Variants in KIF6 observed in about 807,000 individuals in gnomAD.
The protein encoded by KIF6 is kinesin-like protein KIF6.
Under a neutral mutation model 112.7 loss-of-function variants are expected in KIF6, and 106 were observed. The observed-to-expected ratio is 0.94, with a 90% CI of 0.80 to 1.11. The LOEUF (loss-of-function observed/expected upper bound fraction) is 1.11, where lower values mean the gene tolerates loss of function less well. Among genes scored for constraint, KIF6 ranks in the 50% least tolerant of loss-of-function variants. The pLI is 0.00. For synonymous variants in KIF6, 339 were observed against 339.9 expected (o/e 1.00, Z 0.03); for missense variants, 929 against 964.0 (o/e 0.96, Z 0.48).
chr6:39,457,063 A>G (rs1471848401), intron 13 of KIF6, among the ~76,000 whole-genome samples: 4 of 141,884 alleles, frequency 2.8e-5, no homozygotes, highest in African/African-American at 1.1e-4. Context: ...TCAACAGAAT[A>G]TACATTTTTT....
chr6:39,616,780 C>T (rs549117687), intron 5 of KIF6, among the ~76,000 whole-genome samples: 53 of 152,300 alleles, frequency 3.5e-4, no homozygotes, highest in South Asian at 2.1e-4. Context: ...CTGGGCACTA[C>T]GTCTATTGCC....
chr6:39,544,370 T>C (rs1458400573), intron 12 of KIF6, 185 bp downstream of exon 12: 3 of 460,718 alleles, frequency 6.5e-6, no homozygotes, highest in Non-Finnish European at 7.3e-6. Context: ...ATTTTTTTCT[T>C]TTATAGAAAC....
chr6:39,469,545 A>T (rs1243804529), intron 13 of KIF6, among the ~76,000 whole-genome samples: 1 of 152,158 alleles, frequency 6.6e-6, no homozygotes, highest in East Asian at 1.9e-4. Flanking sequence ...ACAAAAAAAA[A>T]TGTTACTAGA....
rs1442739650 is a variant in KIF6, at chr6:39,331,348, T to TAATC, written c.*5180_*5183dup. The TAATC allele has an allele frequency of 1.3e-5, 2 of 151,872 alleles. No homozygotes were observed. The highest frequency in any genetic ancestry group is 4.8e-5 in the African/African-American group (2 of 41,378). 9.4% of individuals were successfully genotyped at this position (151,872 alleles called of 1,614,324 possible). ...TGCCCAGCTAACCCCAACTCCTTCT[T>TAATC]AATCAGATTGTCTTGCTTACTTGTT... On this transcript the variant is annotated 3_prime_UTR_variant, in exon 23 of 23. Coordinates refer to ENST00000287152, the MANE Select transcript of KIF6 (RefSeq NM_145027.6).
intron 13 of KIF6, among the ~76,000 whole-genome samples, chr6:39,434,385 G>C (rs1371833759): frequency 1.3e-5 from 2 of 149,958 alleles, no homozygotes; most frequent in Non-Finnish European, 3.0e-5. Flanking sequence ...GCAACATGGT[G>C]AAACCCATTT....
chr6:39,720,774 C>G lies in KIF6; in HGVS notation c.104G>C (p.Ser35Thr), dbSNP rs1345359717. ...SIDEDEKLIP[S>T]LEIILPRDLA... ...ATCACGTGGTAAGATGATTTCCAAG[C>G]TAGGTATTAATTTTTCATCTTCATC... The change falls in exon 2 of 23, where the codon AGC (serine) becomes ACC (threonine). Residue 35 changes from serine to threonine, a missense_variant. By Grantham distance (58) the Ser-to-Thr change is moderately conservative. Around this residue, in one of 2 missense-constraint regions of KIF6, gnomAD observed 688 missense variants for 662.7 expected, o/e 1.04. Coordinates refer to ENST00000287152, the MANE Select transcript of KIF6 (RefSeq NM_145027.6). 1.2e-6 allele frequency: 2 copies of G among 1,605,698 alleles called. No individual in the cohort carries two copies. Among genetic ancestry groups the G allele is most frequent in the Non-Finnish European group, 1.7e-6 (2 of 1,172,606 alleles).
intron 7 of KIF6, among the ~76,000 whole-genome samples, chr6:39,595,129 A>C: frequency 6.6e-6 from 1 of 152,318 alleles, no homozygotes; most frequent in South Asian, 2.1e-4. Context: ...CAGAACCATC[A>C]TGGGGTCAAA....
chr6:39,503,943 G>A (rs1776286785), intron 13 of KIF6, among the ~76,000 whole-genome samples: 1 of 151,770 alleles, frequency 6.6e-6, no homozygotes, highest in South Asian at 2.1e-4. Flanking sequence ...AAGAGCAGGT[G>A]CCATTCCCAC....
intron 12 of KIF6, among the ~76,000 whole-genome samples, chr6:39,540,723 G>T (rs1223772097): frequency 6.6e-6 from 1 of 152,244 alleles, no homozygotes; most frequent in Non-Finnish European, 1.5e-5. Flanking sequence ...GGTGACAAAG[G>T]TTCAGCCAGA....
chr6:39,415,301 T>TAAAAAAAAAAA (rs5875672), intron 15 of KIF6, among the ~76,000 whole-genome samples: 3 of 89,458 alleles, frequency 3.4e-5, no homozygotes, highest in African/African-American at 8.6e-5. Flanking sequence ...TTTTAAAATG[T>TAAAAAAAAAAA]AAAAAAAAAA....
chr6:39,541,426 T>C (rs1414068688), intron 12 of KIF6, among the ~76,000 whole-genome samples: 1 of 152,192 alleles, frequency 6.6e-6, no homozygotes, highest in Non-Finnish European at 1.5e-5. Context: ...AACACGCTGC[T>C]CCTCTTTGTA....
intron 3 of KIF6, among the ~76,000 whole-genome samples, chr6:39,682,945 G>C (rs1481382400): frequency 6.6e-6 from 1 of 152,350 alleles, no homozygotes; most frequent in East Asian, 1.9e-4. Flanking sequence ...GTAAAACTGA[G>C]ATCTAAGCGA....
At chr6:39,358,387 C>G (rs533869873) in intron 18 of KIF6, among the ~76,000 whole-genome samples, 1 of 152,378 alleles carries the variant, frequency 6.6e-6, no homozygotes, top group South Asian at 2.1e-4. Context: ...ATTGGCCCCT[C>G]TGTACCAGTG....
At chr6:39,536,439 C>G (rs1778430567) in intron 13 of KIF6, among the ~76,000 whole-genome samples, 1 of 151,696 alleles carries the variant, frequency 6.6e-6, no homozygotes. Flanking sequence ...ACAAACAACT[C>G]TATGCAAATA....
chr6:39,350,140 T>G (rs1761841052), intron 19 of KIF6, among the ~76,000 whole-genome samples: 1 of 152,186 alleles, frequency 6.6e-6, no homozygotes, highest in South Asian at 2.1e-4. Context: ...AGCTTTACCC[T>G]TTAAAAATCC....
At chr6:39,446,482 GTTTTCTTTTCTTTCCT>G (rs1772324008) in intron 13 of KIF6, among the ~76,000 whole-genome samples, 1 of 151,692 alleles carries the variant, frequency 6.6e-6, no homozygotes, top group African/African-American at 2.4e-5. Flanking sequence ...CAGTGAAATT[GTTTTCTTTTCTTTCCT>G]TTTTCTTTTT....
At chr6:39,566,300 A>T (rs2038198) in intron 10 of KIF6, among the ~76,000 whole-genome samples, 7,578 of 152,254 alleles carry the variant, frequency 0.05, 342 homozygotes, top group East Asian at 0.26. Context: ...GCAAATTTTT[A>T]AAAAAATCAT....
chr6:39,346,100 TC>T (rs1562113049), intron 20 of KIF6, among the ~76,000 whole-genome samples: 30 of 8,164 alleles, frequency 3.7e-3, no homozygotes, highest in African/African-American at 0.013. Flanking sequence ...CCCCTCTCCC[TC>T]CCCCCCTCCC....
chr6:39,460,679 A>G (rs941097427), intron 13 of KIF6, among the ~76,000 whole-genome samples: 2 of 152,144 alleles, frequency 1.3e-5, no homozygotes, highest in Non-Finnish European at 1.5e-5. Flanking sequence ...TACTTTTACC[A>G]TATTGAGAGA....
Sources: allele counts gnomAD v4.1 joint callset (sites outside exome capture counted in the v4.1 genomes callset), GRCh38; gene constraint gnomAD v4.1.1; regional missense constraint gnomAD v4.1.1; transcripts MANE v1.5; gene names NCBI Gene and HGNC (gene_info 2026-07-23, HGNC 2026-07-21).